GRAMD1B: variants seen among roughly 807,000 people sequenced by gnomAD.
The protein encoded by GRAMD1B is GRAM domain containing 1B.
GRAMD1B carries 37 observed loss-of-function variants against 99.7 expected under a neutral mutation model. The ratio of observed to expected loss-of-function variants is 0.37; its 90% confidence interval spans 0.29 to 0.49. The LOEUF is 0.49. GRAMD1B is among the 20% of genes least tolerant of loss of function. The pLI is 0.98. For synonymous variants in GRAMD1B, 427 were observed against 387.6 expected, an observed-to-expected ratio of 1.10 and a Z score of -1.19; for missense variants, 888 against 1,009.2, an observed-to-expected ratio of 0.88 and a Z score of 1.63.
At chr11:123,582,265 C>T (rs1565409563) in intron 3 of GRAMD1B, among the ~76,000 whole-genome samples, 2 of 152,342 alleles carry the variant, frequency 1.3e-5, no homozygotes, top group African/African-American at 2.4e-5. Context: ...TAGGCGCAGA[C>T]GCCAGACGCA....
chr11:123,401,368 C>T (rs993002282), intron 1 of GRAMD1B, among the ~76,000 whole-genome samples: 6 of 152,244 alleles, frequency 3.9e-5, no homozygotes, highest in Non-Finnish European at 5.9e-5. Flanking sequence ...CAGCCTGTTG[C>T]GTCCGCTCTG....
intron 1 of GRAMD1B, among the ~76,000 whole-genome samples, chr11:123,416,278 T>A (rs550353217): frequency 1.3e-5 from 2 of 152,274 alleles, no homozygotes; most frequent in South Asian, 4.1e-4. Context: ...TAACTTCTAT[T>A]GGGTGTGATG....
rs1199965503 is a variant in GRAMD1B, at chr11:123,557,658, G to A, written c.453-19709G>A. On this transcript the variant is annotated intron_variant, in intron 2 of 19. Coordinates refer to ENST00000635736, the MANE Select transcript of GRAMD1B (RefSeq NM_001387025.1). ...CATGTTCCATTAAGATTGAAAGATC[G>A]GAAACTTAGTGAAGCTAACTTTTCA... is the stretch of plus-strand genomic sequence containing the variant. 3.9e-5 allele frequency among the ~76,000 whole-genome samples: 6 copies of A among 152,286 alleles called. No individual in the cohort carries two copies. In the South Asian group the frequency reaches 1.0e-3, roughly 26 times the overall value.
chr11:123,503,114 C>A (rs1238001550), intron 2 of GRAMD1B, among the ~76,000 whole-genome samples: 1 of 152,178 alleles, frequency 6.6e-6, no homozygotes, highest in Non-Finnish European at 1.5e-5. Flanking sequence ...CATTCCGAAC[C>A]TTGGTGTGAT....
At chr11:123,604,212 G>T (rs1380733295) in intron 9 of GRAMD1B, among the ~76,000 whole-genome samples, 1 of 152,212 alleles carries the variant, frequency 6.6e-6, no homozygotes, top group African/African-American at 2.4e-5. Flanking sequence ...CTGGGCTGAG[G>T]CCATAAACGC....
intron 4 of GRAMD1B, among the ~76,000 whole-genome samples, chr11:123,590,483 A>C (rs1391037815): frequency 1.3e-5 from 2 of 152,194 alleles, no homozygotes; most frequent in African/African-American, 4.8e-5. Context: ...TCTGCTGGGG[A>C]GGCCAGGCTC....
chr11:123,602,435 A>G (rs1323651067), intron 8 of GRAMD1B, among the ~76,000 whole-genome samples: 1 of 152,034 alleles, frequency 6.6e-6, no homozygotes, highest in Non-Finnish European at 1.5e-5. Context: ...GGTTAGTTCT[A>G]TGTGTATACA....
At chr11:123,542,957 C>T (rs186858081) in intron 2 of GRAMD1B, among the ~76,000 whole-genome samples, 264 of 145,214 alleles carry the variant, frequency 1.8e-3, no homozygotes, top group African/African-American at 6.3e-3. Context: ...CCCAGCCTGG[C>T]GAGTAGTTTT....
intron 1 of GRAMD1B, among the ~76,000 whole-genome samples, chr11:123,477,128 A>G (rs1310304253): frequency 6.6e-6 from 1 of 151,786 alleles, no homozygotes; most frequent in East Asian, 1.9e-4. Context: ...GCTCTTTTTC[A>G]TACTTCACAT....
chr11:123,613,330 C>T, intron 15 of GRAMD1B, 125 bp from the exon 16 acceptor site: 1 of 681,558 alleles, frequency 1.5e-6, no homozygotes, highest in Non-Finnish European at 2.6e-6. Context: ...GGCTCATGGG[C>T]ATCCCTGAGG....
chr11:123,599,084 C>G, intron 7 of GRAMD1B: 1 of 938,530 alleles, frequency 1.1e-6, no homozygotes. Context: ...AGTTTTGTGC[C>G]TCTTCACTTG....
chr11:123,533,738 T>A (rs1341159679), intron 2 of GRAMD1B, among the ~76,000 whole-genome samples: 2 of 152,170 alleles, frequency 1.3e-5, no homozygotes, highest in South Asian at 4.1e-4. Flanking sequence ...CAGCCTATGT[T>A]TTAAATCTTA....
chr11:123,551,600 T>C (rs1052616689), intron 2 of GRAMD1B, among the ~76,000 whole-genome samples: 2 of 152,148 alleles, frequency 1.3e-5, no homozygotes, highest in African/African-American at 4.8e-5. Flanking sequence ...TAGGACTTTG[T>C]TGTATATGTG....
rs996082629 is a variant in GRAMD1B, at chr11:123,430,701, G to T, written c.-92G>T. 115 of 583,746 alleles carry T rather than the reference G, an allele frequency of 2.0e-4. No homozygotes were observed. Among genetic ancestry groups the T allele is most frequent in the Non-Finnish European group, 3.0e-4 (101 of 331,500 alleles). The allele number at this position is 583,746 out of a possible 1,614,324, so 36.2% of individuals were successfully genotyped here. On this transcript the variant is annotated 5_prime_UTR_variant, in exon 1 of 20. Transcript: ENST00000635736. ...CTTCGGCCCCAGGATTGGGGAGTGT[G>T]CCGCGGGGCCGAGGGTGGGGAACAG...
Position 123,596,370 on chromosome 11 carries a change from T to C in GRAMD1B, c.969+333T>C, listed in dbSNP as rs143603357. Among the ~76,000 whole-genome samples the C allele has an allele frequency of 2.0e-3, 306 of 152,334 alleles. 4 individuals carry two copies. Among genetic ancestry groups the C allele is most frequent in the East Asian group, 0.016 (85 of 5,190 alleles). ...CCTATTTAACACAGTCTTGAAATAA[T>C]ATCACATATATGAAAACATATATGA... On this transcript the variant is annotated intron_variant, in intron 7 of 19. Coordinates refer to ENST00000635736, the MANE Select transcript of GRAMD1B (RefSeq NM_001387025.1).
chr11:123,503,291 C>G (rs1940078265), intron 2 of GRAMD1B, among the ~76,000 whole-genome samples: 1 of 152,142 alleles, frequency 6.6e-6, no homozygotes, highest in Admixed American at 6.6e-5. Context: ...TGCAAGGGAC[C>G]AGCTGCTGAC....
chr11:123,532,590 G>A (rs1162130074), intron 2 of GRAMD1B, among the ~76,000 whole-genome samples: 1 of 152,210 alleles, frequency 6.6e-6, no homozygotes, highest in Non-Finnish European at 1.5e-5. Flanking sequence ...CATTATCCAA[G>A]ATGTCATGGA....
intron 2 of GRAMD1B, among the ~76,000 whole-genome samples, chr11:123,507,699 C>G (rs1940577019): frequency 6.6e-6 from 1 of 152,068 alleles, no homozygotes. Flanking sequence ...ATGTATATAC[C>G]AATCTCTGAA....
intron 11 of GRAMD1B, 31 bp from the exon 12 acceptor site, chr11:123,608,628 T>C (rs748133329): frequency 1.3e-6 from 2 of 1,571,180 alleles, no homozygotes; most frequent in Admixed American, 1.9e-5. Flanking sequence ...CCGCTGTCAC[T>C]GTCTACTTCC....
Sources: allele counts gnomAD v4.1 joint callset (sites outside exome capture counted in the v4.1 genomes callset), GRCh38; gene constraint gnomAD v4.1.1; transcripts MANE v1.5; gene names NCBI Gene and HGNC (gene_info 2026-07-23, HGNC 2026-07-21).